The following SEMA6D variants were observed in gnomAD, a reference collection of about 807,000 sequenced individuals.
SEMA6D encodes the protein semaphorin 6D.
SEMA6D carries 35 observed loss-of-function variants against 106.6 expected under a neutral mutation model. That is an observed-to-expected ratio of 0.33 (90% CI 0.25 to 0.44). SEMA6D has a LOEUF of 0.44. SEMA6D is among the 20% of genes least tolerant of loss of function. The pLI is 1.00. For missense variants in SEMA6D, 1,185 were observed against 1,345.9 expected (o/e 0.88, Z 1.87); for synonymous variants, 499 against 487.7 (o/e 1.02, Z -0.31).
chr15:47,332,727 A>T (rs531994719), intron 1 of SEMA6D, among the ~76,000 whole-genome samples: 1 of 152,212 alleles, frequency 6.6e-6, no homozygotes, highest in Non-Finnish European at 1.5e-5. Context: ...TAAGAGCCTT[A>T]TCTGCCAGAT....
chr15:47,471,954 C>T (rs1423998040), intron 3 of SEMA6D, among the ~76,000 whole-genome samples: 1 of 151,532 alleles, frequency 6.6e-6, no homozygotes, highest in African/African-American at 2.4e-5. Context: ...CACACACACA[C>T]ACACACACAC....
In SEMA6D at chr15:47,210,764, CAAAAAAAAAA is replaced by C. The variant is rs34743184; in HGVS notation, c.-239+26361_-239+26370del. Among the ~76,000 whole-genome samples the C allele has an allele frequency of 6.4e-5, 4 of 62,758 alleles. No individual in the cohort carries two copies. The South Asian group carries it at 2.8e-3, about 45-fold the overall frequency. The allele number at this position is 62,758 out of a possible 152,430, so 41.2% of individuals were successfully genotyped here. ...TGGGCGACAGAGGGAGACTCCGTCT[CAAAAAAAAAA>C]AAAAAAAAAAAAAATCCAGCCATTG... On this transcript the variant is annotated intron_variant, in intron 1 of 19. Transcript: ENST00000558014.
chr15:47,647,587 A>G (rs886686271), intron 4 of SEMA6D, among the ~76,000 whole-genome samples: 3 of 152,176 alleles, frequency 2.0e-5, no homozygotes, highest in Non-Finnish European at 2.9e-5. Flanking sequence ...AAATAGAAAC[A>G]TGTTCTCTCT....
At chr15:47,389,438 A>G (rs2039955078) in intron 1 of SEMA6D, among the ~76,000 whole-genome samples, 2 of 152,084 alleles carry the variant, frequency 1.3e-5, no homozygotes, top group Admixed American at 6.6e-5. Flanking sequence ...GAAAAAAAAA[A>G]GACATCACTG....
At chr15:47,768,343 G>A (rs1420857879) in intron 17 of SEMA6D, among the ~76,000 whole-genome samples, 1 of 152,132 alleles carries the variant, frequency 6.6e-6, no homozygotes, top group Non-Finnish European at 1.5e-5. Flanking sequence ...TTTCCTAAGA[G>A]CCTTTCGAGT....
At chr15:47,590,563 CA>C (rs1182404708) in intron 3 of SEMA6D, among the ~76,000 whole-genome samples, 1 of 151,610 alleles carries the variant, frequency 6.6e-6, no homozygotes, top group South Asian at 2.1e-4. Context: ...AATTAATACA[CA>C]AAAAAAGAAA....
intron 1 of SEMA6D, among the ~76,000 whole-genome samples, chr15:47,411,247 C>T (rs1364590404): frequency 6.6e-6 from 1 of 152,004 alleles, no homozygotes; most frequent in Non-Finnish European, 1.5e-5. Flanking sequence ...AGGCGCTTGC[C>T]ACCACGCCCG....
intron 1 of SEMA6D, among the ~76,000 whole-genome samples, chr15:47,355,471 AG>A (rs1396435932): frequency 3.3e-5 from 5 of 152,204 alleles, no homozygotes; most frequent in African/African-American, 1.2e-4. Flanking sequence ...TTTAGATTTG[AG>A]GATTGGCAGA....
chr15:47,399,281 TC>T (rs752354524), intron 1 of SEMA6D: 2 of 152,168 alleles, frequency 1.3e-5, no homozygotes, highest in African/African-American at 4.8e-5. Flanking sequence ...AGCTTTCTAG[TC>T]CACTGAGATT....
intron 2 of SEMA6D, among the ~76,000 whole-genome samples, chr15:47,427,870 T>C (rs1045594348): frequency 6.6e-6 from 1 of 152,132 alleles, no homozygotes; most frequent in African/African-American, 2.4e-5. Context: ...CTTGATTTCC[T>C]AAACTCCCTT....
At chr15:47,762,340 C>T (rs759687404) in intron 8 of SEMA6D, 21 bp downstream of exon 8, 19 of 1,611,150 alleles carry the variant, frequency 1.2e-5, no homozygotes, top group Non-Finnish European at 1.6e-5. Context: ...AGAGCAGTGT[C>T]GTGGGGTCAC....
In SEMA6D at chr15:47,350,578, G is replaced by T. The variant is rs188608757; in HGVS notation, c.-238-61815G>T. 3.9e-5 allele frequency among the ~76,000 whole-genome samples: 6 copies of T among 152,262 alleles called. No homozygotes were observed. The East Asian group carries it at 9.7e-4, about 25-fold the overall frequency. ...GGGCTTTCCACTTAAACACGATTTT[G>T]ATGTTTGTTTTCGTGCGGAGGAGAC... On this transcript the variant is annotated intron_variant, in intron 1 of 19. Coordinates refer to the SEMA6D transcript ENST00000558014.
chr15:47,765,210 G>GT, intron 13 of SEMA6D, 154 bp downstream of exon 13: 1 of 1,411,982 alleles, frequency 7.1e-7, no homozygotes, highest in Non-Finnish European at 9.2e-7. Context: ...TCTTGGGTTT[G>GT]TTTTTTTCCC....
At chr15:47,322,402 A>G (rs2036958252) in intron 1 of SEMA6D, among the ~76,000 whole-genome samples, 1 of 148,086 alleles carries the variant, frequency 6.8e-6, no homozygotes. Context: ...CATGTCTTTT[A>G]TGATCTTGAT....
intron 3 of SEMA6D, among the ~76,000 whole-genome samples, chr15:47,521,843 G>C (rs914055182): frequency 1.3e-5 from 2 of 152,106 alleles, no homozygotes; most frequent in Admixed American, 6.5e-5. Flanking sequence ...AACTTAGCCG[G>C]GCATGGTGGT....
At chr15:47,530,859 T>C (rs2044937784) in intron 3 of SEMA6D, among the ~76,000 whole-genome samples, 1 of 152,196 alleles carries the variant, frequency 6.6e-6, no homozygotes, top group Admixed American at 6.5e-5. Flanking sequence ...CTCAGTTTCC[T>C]TGTCTATAAA....
intron 1 of SEMA6D, among the ~76,000 whole-genome samples, chr15:47,726,047 C>T (rs1260087204): frequency 6.6e-6 from 1 of 152,232 alleles, no homozygotes; most frequent in Non-Finnish European, 1.5e-5. Flanking sequence ...AAGCAGAGAA[C>T]CTGTTTAGTT....
intron 4 of SEMA6D, among the ~76,000 whole-genome samples, chr15:47,682,756 T>G (rs140324982): frequency 5.9e-4 from 90 of 152,332 alleles, no homozygotes; most frequent in African/African-American, 1.9e-3. Flanking sequence ...AGTAATAATA[T>G]TCTAGTTAAA....
chr15:47,472,212 G>A (rs2042872121), intron 3 of SEMA6D, among the ~76,000 whole-genome samples: 1 of 152,162 alleles, frequency 6.6e-6, no homozygotes, highest in Non-Finnish European at 1.5e-5. Flanking sequence ...TTAGACACTA[G>A]CATGGGCTCT....
Sources: allele counts gnomAD v4.1 joint callset (sites outside exome capture counted in the v4.1 genomes callset), GRCh38; gene constraint gnomAD v4.1.1; transcripts MANE v1.5; gene names NCBI Gene and HGNC (gene_info 2026-07-23, HGNC 2026-07-21).